Variants in LUZP2 observed in about 807,000 individuals in gnomAD.
The protein encoded by LUZP2 is leucine zipper protein 2.
Under a neutral mutation model 51.6 loss-of-function variants are expected in LUZP2, and 52 were observed. The ratio of observed to expected loss-of-function variants is 1.01; its 90% CI spans 0.81 to 1.27. The LOEUF (loss-of-function observed/expected upper bound fraction) is 1.27. Among genes scored for constraint, LUZP2 ranks in the 50% most tolerant of loss-of-function variants. LUZP2 has a pLI of 0.00. For synonymous variants in LUZP2, 154 were observed against 137.3 expected, an observed-to-expected ratio of 1.12 and a Z score of -0.85; for missense variants, 436 against 395.4, an observed-to-expected ratio of 1.10 and a Z score of -0.87.
chr11:24,526,621 A>G (rs909699400), intron 1 of LUZP2, among the ~76,000 whole-genome samples: 1 of 151,420 alleles, frequency 6.6e-6, no homozygotes, highest in African/African-American at 2.4e-5. Flanking sequence ...CTTAAAGAGC[A>G]TTCAGCCAGA....
chr11:24,618,363 T>G (rs1200822537), intron 1 of LUZP2, among the ~76,000 whole-genome samples: 1 of 152,184 alleles, frequency 6.6e-6, no homozygotes, highest in African/African-American at 2.4e-5. Context: ...CCTTCTCTTA[T>G]ATTACCATAT....
At chr11:24,616,992 G>A (rs1268698302) in intron 1 of LUZP2, among the ~76,000 whole-genome samples, 6 of 152,046 alleles carry the variant, frequency 3.9e-5, no homozygotes, top group African/African-American at 7.2e-5. Flanking sequence ...GTAAAATGTC[G>A]TATAAACATT....
At chr11:24,977,654 A>G (rs992695397) in intron 8 of LUZP2, among the ~76,000 whole-genome samples, 2 of 151,692 alleles carry the variant, frequency 1.3e-5, no homozygotes, top group Non-Finnish European at 3.0e-5. Context: ...TCCATTACAT[A>G]TATGCTTTAC....
intron 1 of LUZP2, 53 bp downstream of exon 1, chr11:24,497,358 T>G (rs1228398027): frequency 2.2e-6 from 3 of 1,394,700 alleles, no homozygotes; most frequent in African/African-American, 3.0e-5. Context: ...CGGGGCGAGG[T>G]TGGTCCTACT....
intron 10 of LUZP2, among the ~76,000 whole-genome samples, chr11:25,056,881 A>G (rs1453731447): frequency 6.6e-5 from 10 of 152,128 alleles, no homozygotes; most frequent in Admixed American, 5.9e-4. Context: ...TGGGCAGATC[A>G]CGAGGTCAGG....
chr11:24,953,724 T>C (rs1217800827), intron 7 of LUZP2, among the ~76,000 whole-genome samples: 1 of 152,056 alleles, frequency 6.6e-6, no homozygotes, highest in Non-Finnish European at 1.5e-5. Context: ...TTGTACAGTA[T>C]GTGGCACCTA....
chr11:24,650,702 A>C (rs1855600146), intron 1 of LUZP2, among the ~76,000 whole-genome samples: 1 of 152,048 alleles, frequency 6.6e-6, no homozygotes, highest in Non-Finnish European at 1.5e-5. Context: ...TGAGATTTCG[A>C]TCTAACAAAA....
At chr11:25,030,905 AATATATAT>A (rs1857632652) in intron 9 of LUZP2, among the ~76,000 whole-genome samples, 2 of 64,334 alleles carry the variant, frequency 3.1e-5, no homozygotes, top group Admixed American at 2.4e-4. Context: ...ATATATATAT[AATATATAT>A]TGTATTATAT....
At chr11:24,881,315 C>CA (rs3078893) in intron 5 of LUZP2, among the ~76,000 whole-genome samples, 11,063 of 127,602 alleles carry the variant, frequency 0.087, 929 homozygotes, top group African/African-American at 0.23. Flanking sequence ...GAGTAATTGC[C>CA]AAAAAAAAAA....
intron 9 of LUZP2, among the ~76,000 whole-genome samples, chr11:24,988,849 C>T (rs1002761166): frequency 6.6e-6 from 1 of 151,874 alleles, no homozygotes; most frequent in African/African-American, 2.4e-5. Context: ...TTTTTACATT[C>T]AAGAAGCTGG....
chr11:24,934,843 G>A (rs77770583), intron 7 of LUZP2, among the ~76,000 whole-genome samples: 2,466 of 152,200 alleles, frequency 0.016, 59 homozygotes, highest in African/African-American at 0.053. Flanking sequence ...TGTCAGAGTT[G>A]GTACTCAAGA....
intron 1 of LUZP2, among the ~76,000 whole-genome samples, chr11:24,724,730 G>A (rs1858409126): frequency 1.3e-5 from 2 of 152,022 alleles, no homozygotes; most frequent in Admixed American, 1.3e-4. Context: ...AGATATGACT[G>A]GTCAATTCAA....
intron 5 of LUZP2, among the ~76,000 whole-genome samples, chr11:24,826,188 AAAAT>A (rs1177064624): frequency 2.5e-4 from 7 of 28,026 alleles, no homozygotes; most frequent in Non-Finnish European, 4.0e-4. Flanking sequence ...AAAAAAAAAA[AAAAT>A]ATATATATAT....
At chr11:24,795,842 T>C (rs1849532148) in intron 5 of LUZP2, among the ~76,000 whole-genome samples, 1 of 152,122 alleles carries the variant, frequency 6.6e-6, no homozygotes, top group South Asian at 2.1e-4. Context: ...CTCACTGAGA[T>C]ATACACTTGC....
chr11:24,550,738 A>G (rs1184244513), intron 1 of LUZP2, among the ~76,000 whole-genome samples: 1 of 152,086 alleles, frequency 6.6e-6, no homozygotes, highest in Non-Finnish European at 1.5e-5. Flanking sequence ...TGCAATTGAA[A>G]GGAACATTGA....
rs115290976 is a variant in LUZP2, at chr11:24,738,509, G to T, written c.333+207G>T. Among the ~76,000 whole-genome samples the T allele has an allele frequency of 6.3e-3, 954 of 152,196 alleles. 14 individuals carry two copies. The highest frequency in any genetic ancestry group is 0.022 in the African/African-American group (908 of 41,542). On this transcript the variant is annotated intron_variant, in intron 4 of 11. Coordinates refer to ENST00000336930, the MANE Select transcript of LUZP2 (RefSeq NM_001009909.4). ...TGTTTTATTTCATTATTAGGGGGTC[G>T]TCTAATTCCCAGCCTACTTTAAAGA...
intron 4 of LUZP2, among the ~76,000 whole-genome samples, chr11:24,748,940 T>A (rs1423891722): frequency 2.6e-5 from 4 of 152,180 alleles, no homozygotes; most frequent in African/African-American, 4.8e-5. Context: ...ATTATGCTTT[T>A]TAGAAAATTA....
At chr11:24,780,218 C>G (rs553946808) in intron 5 of LUZP2, among the ~76,000 whole-genome samples, 2 of 152,044 alleles carry the variant, frequency 1.3e-5, no homozygotes, top group Non-Finnish European at 2.9e-5. Context: ...CCATTTCCAG[C>G]TATTAATTCT....
chr11:24,728,995 A>G (rs1858603085), intron 1 of LUZP2, 174 bp from the exon 2 acceptor site: 1 of 395,472 alleles, frequency 2.5e-6, no homozygotes, highest in African/African-American at 2.1e-5. Context: ...AACTTTTGTT[A>G]TAAAATGGGG....
Sources: gnomAD v4.1 joint callset for allele counts (sites outside exome capture counted in the v4.1 genomes callset) on GRCh38, gnomAD v4.1.1 for gene constraint, MANE v1.5 for transcripts, NCBI Gene and HGNC (gene_info 2026-07-23, HGNC 2026-07-21) for gene names.